CBR4: variants seen among roughly 807,000 people sequenced by gnomAD.
CBR4 encodes the protein carbonyl reductase 4.
A neutral mutation model predicts 21.0 loss-of-function variants in CBR4; 22 were observed. The ratio of observed to expected loss-of-function variants is 1.05; its 90% confidence interval spans 0.75 to 1.50. CBR4 has a LOEUF of 1.50. CBR4 is among the 40% of genes most tolerant of loss of function. The pLI, the probability that CBR4 is intolerant of heterozygous loss-of-function variation, is 0.00. For synonymous variants in CBR4, 100 were observed against 104.4 expected (o/e 0.96, Z 0.26); for missense variants, 302 against 286.3 (o/e 1.05, Z -0.40).
At chr4:168,896,545 A>AC in intron 2 of CBR4, 1 of 1,472,278 alleles carries the variant, frequency 6.8e-7, no homozygotes, top group Non-Finnish European at 9.2e-7. Context: ...TTCTACCATT[A>AC]CAGGACATTG....
chr4:168,991,196 A>C (rs1764907298), intron 4 of CBR4, among the ~76,000 whole-genome samples: 1 of 152,246 alleles, frequency 6.6e-6, no homozygotes, highest in South Asian at 2.1e-4. Context: ...GCAAAATATA[A>C]GTAGGTAGAC....
At chr4:168,914,631 C>G (rs1227964716) in intron 2 of CBR4, among the ~76,000 whole-genome samples, 1 of 152,184 alleles carries the variant, frequency 6.6e-6, no homozygotes, top group Non-Finnish European at 1.5e-5. Flanking sequence ...AGGATTATTA[C>G]TTCTTAGTAA....
intron 2 of CBR4, among the ~76,000 whole-genome samples, chr4:168,915,287 T>C (rs1759875467): frequency 6.6e-6 from 1 of 152,232 alleles, no homozygotes; most frequent in Non-Finnish European, 1.5e-5. Flanking sequence ...CTTTCAACTG[T>C]ATTCCTCTTA....
intron 2 of CBR4, chr4:168,927,315 T>TTTTC (rs1208382862): frequency 4.3e-6 from 1 of 231,988 alleles, no homozygotes; most frequent in East Asian, 6.1e-5. Flanking sequence ...TTTTCTTTGG[T>TTTTC]TTTCTTCAAA....
At chr4:169,006,924 A>G (rs1431556008) in intron 2 of CBR4, 33 bp from the exon 3 acceptor site, 3 of 1,572,808 alleles carry the variant, frequency 1.9e-6, no homozygotes, top group East Asian at 2.2e-5. Context: ...ATAGCATATA[A>G]TAACAAGATA....
chr4:168,896,069 G>A (rs1402177987), intron 2 of CBR4, among the ~76,000 whole-genome samples: 1 of 152,144 alleles, frequency 6.6e-6, no homozygotes, highest in African/African-American at 2.4e-5. Context: ...AATTAGCCGG[G>A]TGTGGTGGCG....
intron 2 of CBR4, among the ~76,000 whole-genome samples, chr4:168,956,496 G>A (rs911165366): frequency 2.7e-5 from 4 of 150,672 alleles, no homozygotes; most frequent in African/African-American, 9.8e-5. Flanking sequence ...TATGTAGGAG[G>A]CTGAGGGGAG....
chr4:169,006,955 T>A, intron 2 of CBR4, 64 bp from the exon 3 acceptor site: 2 of 1,307,736 alleles, frequency 1.5e-6, no homozygotes, highest in Non-Finnish European at 2.2e-6. Flanking sequence ...AGGTCAAGAC[T>A]AATGTAACAT....
chr4:169,007,784 C>T, intron 1 of CBR4, 28 bp from the exon 2 acceptor site: 1 of 1,523,496 alleles, frequency 6.6e-7, no homozygotes, highest in Non-Finnish European at 8.8e-7. Context: ...ATAAGAATTA[C>T]TTATAACTCA....
chr4:168,922,837 C>T (rs1403627785), intron 2 of CBR4, among the ~76,000 whole-genome samples: 7 of 152,142 alleles, frequency 4.6e-5, no homozygotes, highest in South Asian at 2.1e-4. Context: ...TACCTCAGTG[C>T]GCATCAGCTG....
chr4:168,977,078 C>T (rs905249618), intron 2 of CBR4, among the ~76,000 whole-genome samples: 3 of 152,206 alleles, frequency 2.0e-5, no homozygotes, highest in East Asian at 1.9e-4. Context: ...TCTGTGAATT[C>T]TTTCAGTTTT....
At chr4:168,932,364 G>A (rs1024721542) in intron 2 of CBR4, among the ~76,000 whole-genome samples, 1 of 151,846 alleles carries the variant, frequency 6.6e-6, no homozygotes, top group Non-Finnish European at 1.5e-5. Context: ...TGAACTTGGA[G>A]GTAGGCCTTT....
At chr4:169,005,926 T>C (rs1315819338) in intron 3 of CBR4, 1 of 1,283,650 alleles carries the variant, frequency 7.8e-7, no homozygotes, top group African/African-American at 1.5e-5. Context: ...TTTTAAGGTA[T>C]TACCATTTGA....
At chr4:168,992,994 A>C (rs1332222659) in intron 4 of CBR4, among the ~76,000 whole-genome samples, 2 of 152,328 alleles carry the variant, frequency 1.3e-5, no homozygotes, top group African/African-American at 2.4e-5. Flanking sequence ...CTCATCTTTA[A>C]GAAGAATGAG....
At chr4:168,909,751 AT>A (rs1758524977) in intron 2 of CBR4, among the ~76,000 whole-genome samples, 1 of 152,188 alleles carries the variant, frequency 6.6e-6, no homozygotes, top group Admixed American at 6.5e-5. Context: ...AAAATCACTT[AT>A]TGCTAATTCT....
rs1216041276 is a variant in CBR4, at chr4:168,894,901, ATTC to A, written n.170-139_170-137del. 2.3e-5 allele frequency: 14 copies of A among 621,490 alleles called. 1 individual carries two copies. Among genetic ancestry groups the A allele is most frequent in the South Asian group, 1.1e-4 (5 of 46,506 alleles). The allele number at this position is 621,490 out of a possible 1,614,324, so 38.5% of individuals were successfully genotyped here. On this transcript the variant is annotated intron_variant and non_coding_transcript_variant, in intron 2 of 3. Coordinates refer to the CBR4 transcript ENST00000509108. The stretch of plus-strand genomic sequence containing the variant: ...TCCATCAGTGATACCTGTTCTTTTT[ATTC>A]TTCTTCTTGATTATTCTCCTTTCCA...
chr4:168,958,187 C>T (rs1341071905), intron 2 of CBR4, among the ~76,000 whole-genome samples: 1 of 151,922 alleles, frequency 6.6e-6, no homozygotes, highest in Non-Finnish European at 1.5e-5. Context: ...TTGCTTGAAC[C>T]CAAGAGGCGG....
At chr4:168,959,510 T>C (rs771223787) in intron 2 of CBR4, among the ~76,000 whole-genome samples, 29 of 151,918 alleles carry the variant, frequency 1.9e-4, no homozygotes, top group Non-Finnish European at 3.7e-4. Flanking sequence ...CTGCTTTGGC[T>C]AATCTCGGTG....
intron 2 of CBR4, among the ~76,000 whole-genome samples, chr4:168,913,136 C>CTT (rs33986728): frequency 5.0e-5 from 6 of 119,008 alleles, no homozygotes; most frequent in African/African-American, 1.1e-4. Flanking sequence ...ATGCCACTAA[C>CTT]TTTTTTTTTT....
Sources: gnomAD v4.1 joint callset for allele counts (sites outside exome capture counted in the v4.1 genomes callset) on GRCh38, gnomAD v4.1.1 for gene constraint, MANE v1.5 for transcripts, NCBI Gene and HGNC (gene_info 2026-07-23, HGNC 2026-07-21) for gene names.